The following ESR1 variants were observed in gnomAD, a reference collection of about 807,000 sequenced individuals.
ESR1 encodes the protein estrogen receptor.
In ESR1, 12 loss-of-function variants were observed where a neutral mutation model predicts 52.7. The ratio of observed to expected loss-of-function variants is 0.23; its 90% CI spans 0.15 to 0.37. ESR1 has a LOEUF of 0.37. Among genes scored for constraint, ESR1 ranks in the 10% least tolerant of loss-of-function variants. The pLI, the probability that ESR1 is intolerant of heterozygous loss-of-function variation, is 1.00. For synonymous variants in ESR1, 305 were observed against 316.8 expected (o/e 0.96, Z 0.39); for missense variants, 584 against 779.7 (o/e 0.75, Z 2.99).
intron 2 of ESR1, among the ~76,000 whole-genome samples, chr6:151,732,481 G>A (rs1482395340): frequency 1.3e-5 from 2 of 151,964 alleles, no homozygotes; most frequent in African/African-American, 2.4e-5. Flanking sequence ...AAACCAGAAA[G>A]GATTTACGTG....
chr6:151,733,438 C>T (rs1405280463), intron 2 of ESR1, among the ~76,000 whole-genome samples: 1 of 152,218 alleles, frequency 6.6e-6, no homozygotes, highest in East Asian at 1.9e-4. Flanking sequence ...CCTGGGGCCA[C>T]ACATAGCAGA....
intron 1 of ESR1, among the ~76,000 whole-genome samples, chr6:151,660,860 C>T (rs887109347): frequency 6.6e-6 from 1 of 152,132 alleles, no homozygotes; most frequent in East Asian, 1.9e-4. Flanking sequence ...GCTTTTAAAC[C>T]TTTCGCACTC....
At chr6:151,848,406 C>A (rs1388914833) in intron 2 of ESR1, among the ~76,000 whole-genome samples, 1 of 132,090 alleles carries the variant, frequency 7.6e-6, no homozygotes, top group Non-Finnish European at 1.6e-5. Flanking sequence ...TGCAGCGCAC[C>A]AGCATGGCAC....
At chr6:152,010,793 C>T (rs1185499576) in intron 4 of ESR1, among the ~76,000 whole-genome samples, 1 of 152,002 alleles carries the variant, frequency 6.6e-6, no homozygotes, top group Non-Finnish European at 1.5e-5. Context: ...TTGTTGTATT[C>T]ATAAATAAAT....
At chr6:152,113,192 T>A (rs569235002) in intron 6 of ESR1, 11 of 149,698 alleles carry the variant, frequency 7.3e-5, no homozygotes, top group Non-Finnish European at 1.6e-4. Flanking sequence ...TTTCTGTTTG[T>A]TTGTTTGTTT....
intron 1 of ESR1, among the ~76,000 whole-genome samples, chr6:151,816,047 A>G (rs986095350): frequency 1.3e-5 from 2 of 152,320 alleles, no homozygotes; most frequent in East Asian, 1.9e-4. Context: ...ATGAGTTACA[A>G]TGCTGTTGGC....
intron 1 of ESR1, among the ~76,000 whole-genome samples, chr6:151,669,569 A>G (rs747025280): frequency 6.6e-5 from 10 of 152,228 alleles, no homozygotes; most frequent in Middle Eastern, 3.4e-3. Flanking sequence ...GAGTGTTTCA[A>G]TGTGGATCTT....
chr6:151,667,613 T>A (rs1777876204), intron 1 of ESR1, among the ~76,000 whole-genome samples: 1 of 152,192 alleles, frequency 6.6e-6, no homozygotes, highest in Non-Finnish European at 1.5e-5. Context: ...GATCTTGTCA[T>A]CCAAACTGTG....
chr6:152,087,787 A>G (rs1190118089), intron 6 of ESR1, among the ~76,000 whole-genome samples: 1 of 152,242 alleles, frequency 6.6e-6, no homozygotes, highest in Admixed American at 6.5e-5. Context: ...TAGTAGCCAC[A>G]ATACAAAGAA....
chr6:151,851,523 T>C (rs912957325), intron 2 of ESR1, among the ~76,000 whole-genome samples: 5 of 115,024 alleles, frequency 4.3e-5, no homozygotes, highest in Admixed American at 1.4e-4. Context: ...AGAGGTATGA[T>C]GAAGGAGTTT....
intron 4 of ESR1, among the ~76,000 whole-genome samples, chr6:151,954,896 G>C (rs2036730935): frequency 6.6e-6 from 1 of 152,146 alleles, no homozygotes. Flanking sequence ...TTCCCAAGTA[G>C]ATCTTGTAAT....
intron 3 of ESR1, among the ~76,000 whole-genome samples, chr6:151,886,417 T>TA (rs1793857272): frequency 2.0e-5 from 3 of 152,198 alleles, no homozygotes; most frequent in African/African-American, 7.2e-5. Flanking sequence ...GATAAAGTAG[T>TA]AATTGTCAAC....
chr6:151,718,381 T>G (rs1443484666), intron 2 of ESR1, among the ~76,000 whole-genome samples: 2 of 152,182 alleles, frequency 1.3e-5, no homozygotes, highest in Admixed American at 6.5e-5. Flanking sequence ...AGACTAACAT[T>G]TACTAAGCAA....
intron 3 of ESR1, among the ~76,000 whole-genome samples, chr6:151,912,352 T>C (rs1472572774): frequency 6.6e-6 from 1 of 152,246 alleles, no homozygotes; most frequent in Non-Finnish European, 1.5e-5. Context: ...CTTACCTTTG[T>C]TTCACGTGTC....
chr6:151,930,594 TTTTATTTTACC>T (rs2033445976), intron 3 of ESR1, among the ~76,000 whole-genome samples: 2 of 152,174 alleles, frequency 1.3e-5, no homozygotes, highest in African/African-American at 4.8e-5. Context: ...ATAAATTTCC[TTTTATTTTACC>T]TTAATTCATG....
intron 6 of ESR1, among the ~76,000 whole-genome samples, chr6:152,078,550 A>T (rs933458866): frequency 1.3e-5 from 2 of 152,286 alleles, no homozygotes; most frequent in Admixed American, 1.3e-4. Flanking sequence ...GCTCCCAGCG[A>T]GATCGAAGCA....
At chr6:152,034,023 G>C (rs1179239214) in intron 5 of ESR1, among the ~76,000 whole-genome samples, 2 of 151,826 alleles carry the variant, frequency 1.3e-5, no homozygotes, top group Non-Finnish European at 2.9e-5. Flanking sequence ...CCATCATTGT[G>C]AGCGAACTAT....
Position 151,850,041 on chromosome 6 carries a change from TA to T in ESR1, c.643+7256del, listed in dbSNP as rs1204715981. ...ATATATACAAAATTATATATATATA[TA>T]ATTTTATATATATATAATTTTATAT... On this transcript the variant is annotated intron_variant, in intron 2 of 7. Transcript: ENST00000206249. 6.3e-4 allele frequency among the ~76,000 whole-genome samples: 32 copies of T among 50,544 alleles called. 1 individual carries two copies. Among genetic ancestry groups the T allele is most frequent in the South Asian group, 2.3e-3 (4 of 1,750 alleles). The allele number at this position is 50,544 out of a possible 152,430, so 33.2% of individuals were successfully genotyped here. A position where few individuals can be genotyped will look rare whatever the true frequency, so the allele number is the denominator to read the frequency against.
chr6:151,721,419 G>A (rs1267216626), intron 2 of ESR1, among the ~76,000 whole-genome samples: 1 of 152,204 alleles, frequency 6.6e-6, no homozygotes, highest in Admixed American at 6.5e-5. Context: ...GGTTTAGAAA[G>A]AGCATTTTGG....
Sources: allele counts gnomAD v4.1 joint callset (sites outside exome capture counted in the v4.1 genomes callset), GRCh38; gene constraint gnomAD v4.1.1; transcripts MANE v1.5; gene names NCBI Gene and HGNC (gene_info 2026-07-23, HGNC 2026-07-21).